The following JADE3 variants were observed in gnomAD, a reference collection of about 807,000 sequenced individuals.
JADE3 encodes the protein protein Jade-3.
JADE3 carries 2 observed loss-of-function variants against 50.1 expected under a neutral mutation model. That is an observed-to-expected ratio of 0.04 (90% CI 0.02 to 0.13). JADE3 has a LOEUF of 0.13. JADE3 is among the 10% of genes least tolerant of loss of function. JADE3 has a pLI of 1.00. For missense variants in JADE3, 475 were observed against 634.4 expected (o/e 0.75, Z 2.70); for synonymous variants, 218 against 232.9 (o/e 0.94, Z 0.58).
At chrX:46,927,566 A>T (rs1477270737) in intron 1 of JADE3, among the ~76,000 whole-genome samples, 2 of 112,088 alleles carry the variant, frequency 1.8e-5, no homozygotes, top group African/African-American at 6.5e-5. Context: ...AATTGAGTAC[A>T]TTGCTATATT....
chrX:46,951,621 G>A (rs190485191), intron 1 of JADE3, among the ~76,000 whole-genome samples: 9 of 101,803 alleles, frequency 8.8e-5, no homozygotes, highest in Admixed American at 2.1e-4. Context: ...ACTCTTTTTC[G>A]TCTCTGTGTT....
At chrX:47,035,315 C>G (rs782504450) in intron 7 of JADE3, among the ~76,000 whole-genome samples, 8 of 111,448 alleles carry the variant, frequency 7.2e-5, no homozygotes, top group Non-Finnish European at 1.5e-4. Flanking sequence ...GAGTTATTGT[C>G]TAATAAAGAA....
intron 8 of JADE3, among the ~76,000 whole-genome samples, chrX:47,042,437 G>A (rs1281439632): frequency 1.8e-5 from 2 of 111,409 alleles, no homozygotes; most frequent in Non-Finnish European, 3.8e-5. Flanking sequence ...TAGATTGATG[G>A]ATGGATGATG....
intron 1 of JADE3, among the ~76,000 whole-genome samples, chrX:46,968,567 G>A (rs1206092906): frequency 7.2e-5 from 8 of 110,651 alleles, no homozygotes; most frequent in African/African-American, 2.0e-4. Context: ...GAGCAAGACC[G>A]TATCTCAAAA....
At chrX:46,917,894 T>TCTCTCTCATCCTCTCTCATC (rs1423367361) in intron 1 of JADE3, among the ~76,000 whole-genome samples, 1 of 103,634 alleles carries the variant, frequency 9.6e-6, no homozygotes, top group African/African-American at 3.6e-5. Context: ...TCATCCTCTC[T>TCTCTCTCATCCTCTCTCATC]CTCTCTCATC....
intron 10 of JADE3, among the ~76,000 whole-genome samples, 172 bp from the exon 11 acceptor site, chrX:47,057,995 C>T (rs1243461464): frequency 9.0e-6 from 1 of 111,264 alleles, no homozygotes. Flanking sequence ...TCATTCTTGG[C>T]CCCAACCTCT....
chrX:46,945,466 TC>T (rs1266690836), intron 1 of JADE3, among the ~76,000 whole-genome samples: 1 of 110,995 alleles, frequency 9.0e-6, no homozygotes, highest in Admixed American at 9.6e-5. Flanking sequence ...TCTGGAAGCT[TC>T]TCTTCTATTA....
intron 1 of JADE3, among the ~76,000 whole-genome samples, chrX:46,939,395 A>C (rs1198501642): frequency 9.0e-6 from 1 of 111,359 alleles, no homozygotes; most frequent in Non-Finnish European, 1.9e-5. Context: ...GCTTGGCATC[A>C]TAGGGAATTG....
At chrX:46,925,025 G>A (rs782106992) in intron 1 of JADE3, among the ~76,000 whole-genome samples, 2 of 111,984 alleles carry the variant, frequency 1.8e-5, no homozygotes, top group East Asian at 2.8e-4. Flanking sequence ...TAACCAAGGG[G>A]TCCCCAAGGG....
intron 1 of JADE3, among the ~76,000 whole-genome samples, chrX:46,975,997 G>A (rs1556351539): frequency 9.1e-6 from 1 of 109,884 alleles, no homozygotes; most frequent in African/African-American, 3.3e-5. Context: ...CAAAGTTCTG[G>A]GATTATAGGC....
chrX:46,954,846 C>T (rs1927080784), intron 1 of JADE3, among the ~76,000 whole-genome samples: 1 of 112,176 alleles, frequency 8.9e-6, no homozygotes, highest in Admixed American at 9.4e-5. Context: ...TGAGCCACCG[C>T]ACCCAGCCAG....
At chrX:46,969,483 C>T (rs1927439290) in intron 1 of JADE3, among the ~76,000 whole-genome samples, 2 of 112,431 alleles carry the variant, frequency 1.8e-5, no homozygotes, top group South Asian at 3.6e-4. Flanking sequence ...GGAAACTAAG[C>T]GTCACACTTC....
chrX:46,982,550 A>G (rs964325588), intron 1 of JADE3, among the ~76,000 whole-genome samples: 1 of 111,295 alleles, frequency 9.0e-6, no homozygotes, highest in Non-Finnish European at 1.9e-5. Context: ...ATATTGTAAC[A>G]ATTGTGGGTA....
intron 4 of JADE3, among the ~76,000 whole-genome samples, chrX:47,015,958 A>AT (rs1666866674): frequency 9.0e-6 from 1 of 110,826 alleles, no homozygotes; most frequent in Non-Finnish European, 1.9e-5. Context: ...TTGAATGTGG[A>AT]TCCCCTCTGC....
At chrX:46,983,337 A>T (rs1343762267) in intron 1 of JADE3, among the ~76,000 whole-genome samples, 1 of 110,585 alleles carries the variant, frequency 9.0e-6, no homozygotes, top group Non-Finnish European at 1.9e-5. Context: ...TGTCAGCCCC[A>T]GGTCTCCCAG....
chrX:46,941,327 C>T lies in JADE3; in HGVS notation c.-12+28608C>T, dbSNP rs141632757. Among the ~76,000 whole-genome samples, 366 of 111,378 alleles carry T rather than the reference C, an allele frequency of 3.3e-3. 3 individuals carry two copies. The highest frequency in any genetic ancestry group is 0.027 in the East Asian group (96 of 3,551). ...TTATCCAGTCCTCCTAGGTTGATAC[C>T]GTGTCTTTGCTATTGTGAATAGTGC... On this transcript the variant is annotated intron_variant, in intron 1 of 10. Transcript: ENST00000614628.
At chrX:47,028,938 C>T (rs1464164100) in intron 6 of JADE3, among the ~76,000 whole-genome samples, 1 of 111,401 alleles carries the variant, frequency 9.0e-6, no homozygotes, top group East Asian at 2.8e-4. Flanking sequence ...AGTTCAAATC[C>T]TTTCTTGAAC....
intron 9 of JADE3, among the ~76,000 whole-genome samples, chrX:47,055,136 C>T (rs1286481615): frequency 1.8e-5 from 2 of 110,873 alleles, no homozygotes; most frequent in African/African-American, 3.3e-5. Flanking sequence ...CGCACACACA[C>T]CCCCAGCGTG....
intron 1 of JADE3, among the ~76,000 whole-genome samples, chrX:46,960,883 G>C (rs1288456198): frequency 3.6e-5 from 4 of 110,902 alleles, no homozygotes; most frequent in African/African-American, 1.3e-4. Flanking sequence ...TTCTCTGATG[G>C]TGGCAGTGAC....
Sources: gnomAD v4.1 joint callset for allele counts (sites outside exome capture counted in the v4.1 genomes callset) on GRCh38, gnomAD v4.1.1 for gene constraint, MANE v1.5 for transcripts, NCBI Gene and HGNC (gene_info 2026-07-23, HGNC 2026-07-21) for gene names.